DSCAM: variants seen among roughly 807,000 people sequenced by gnomAD.
DSCAM encodes the protein DS cell adhesion molecule.
DSCAM carries 47 observed loss-of-function variants against 217.7 expected under a neutral mutation model. The ratio of observed to expected loss-of-function variants is 0.22; its 90% confidence interval spans 0.17 to 0.28. DSCAM has a LOEUF of 0.28. Among genes scored for constraint, DSCAM ranks in the 10% least tolerant of loss-of-function variants. The pLI is 1.00. For synonymous variants in DSCAM, 1,056 were observed against 1,015.3 expected (o/e 1.04, Z -0.76); for missense variants, 2,080 against 2,618.3 (o/e 0.79, Z 4.49).
intron 3 of DSCAM, among the ~76,000 whole-genome samples, chr21:40,579,618 A>G (rs1373008432): frequency 1.3e-5 from 2 of 152,212 alleles, no homozygotes; most frequent in African/African-American, 4.8e-5. Flanking sequence ...ACTATTACAG[A>G]GCCAGAGAAA....
intron 32 of DSCAM, among the ~76,000 whole-genome samples, chr21:40,023,939 T>C (rs1333233956): frequency 3.2e-5 from 1 of 31,434 alleles, no homozygotes; most frequent in Admixed American, 4.4e-4. Context: ...ATGAAGTCCT[T>C]GCCCATGCCT....
chr21:40,842,957 G>A (rs553750697), intron 1 of DSCAM, among the ~76,000 whole-genome samples: 4 of 152,186 alleles, frequency 2.6e-5, no homozygotes, highest in East Asian at 1.9e-4. Context: ...AAAAGGCCTC[G>A]GAATTTAGGT....
Position 40,032,650 on chromosome 21 carries a change from C to T in DSCAM, c.5686+9721G>A, listed in dbSNP as rs76951770. Among the ~76,000 whole-genome samples the T allele has an allele frequency of 7.7e-3, 1,171 of 151,716 alleles. 18 individuals carry two copies. The highest frequency in any genetic ancestry group is 0.027 in the African/African-American group (1,117 of 41,338). ...ATTAAACTCAAAAAGTGTTAGATCT[C>T]GTCTGTCTCTGGTATGGGTGGACTC... On this transcript the variant is annotated intron_variant, in intron 32 of 32. Coordinates refer to ENST00000400454, the MANE Select transcript of DSCAM (RefSeq NM_001389.5).
intron 3 of DSCAM, among the ~76,000 whole-genome samples, chr21:40,551,923 G>A: frequency 6.6e-6 from 1 of 152,174 alleles, no homozygotes; most frequent in East Asian, 1.9e-4. Context: ...GGCCAAGAGG[G>A]TGTGTCCATT....
chr21:40,332,567 A>T (rs1480959954), intron 8 of DSCAM, among the ~76,000 whole-genome samples: 1 of 152,190 alleles, frequency 6.6e-6, no homozygotes, highest in East Asian at 1.9e-4. Context: ...TAGAACACGC[A>T]ATTAAGCACC....
intron 11 of DSCAM, among the ~76,000 whole-genome samples, chr21:40,261,273 G>C (rs2073445972): frequency 1.3e-5 from 2 of 152,160 alleles, no homozygotes; most frequent in South Asian, 2.1e-4. Flanking sequence ...GTGCTAAGGG[G>C]GTGAGAAATC....
At chr21:40,391,320 T>C (rs1423818953) in intron 3 of DSCAM, among the ~76,000 whole-genome samples, 2 of 152,136 alleles carry the variant, frequency 1.3e-5, no homozygotes, top group Non-Finnish European at 2.9e-5. Flanking sequence ...AACACAAACA[T>C]ATAGAAATCT....
intron 6 of DSCAM, among the ~76,000 whole-genome samples, chr21:40,344,845 T>C (rs1027831108): frequency 1.1e-4 from 17 of 152,202 alleles, no homozygotes; most frequent in African/African-American, 4.1e-4. Flanking sequence ...TATCTCTGAA[T>C]ACTTTTTTCT....
intron 1 of DSCAM, among the ~76,000 whole-genome samples, chr21:40,747,030 AC>A (rs2091181802): frequency 6.6e-6 from 1 of 151,926 alleles, no homozygotes; most frequent in Non-Finnish European, 1.5e-5. Context: ...AAATATGCAC[AC>A]AACATACCAA....
At chr21:40,702,508 T>C (rs1459970331) in intron 2 of DSCAM, among the ~76,000 whole-genome samples, 3 of 152,196 alleles carry the variant, frequency 2.0e-5, no homozygotes, top group Non-Finnish European at 2.9e-5. Flanking sequence ...TTTATCCTTT[T>C]ACTTTTAAGC....
intron 3 of DSCAM, among the ~76,000 whole-genome samples, chr21:40,486,018 C>T (rs1277221034): frequency 6.6e-6 from 1 of 152,134 alleles, no homozygotes; most frequent in Admixed American, 6.5e-5. Flanking sequence ...TACAAAACTA[C>T]GTACTATAAA....
intron 3 of DSCAM, among the ~76,000 whole-genome samples, chr21:40,617,735 TCTGGGGTCAAA>T (rs1450638734): frequency 2.0e-5 from 3 of 152,230 alleles, no homozygotes; most frequent in Admixed American, 2.0e-4. Context: ...CCATATGACT[TCTGGGGTCAAA>T]CTTGTGCTCA....
rs75966435 is a variant in DSCAM, at chr21:40,057,470, G to A, written c.4920-1630C>T. Among the ~76,000 whole-genome samples, 1,417 of 152,192 alleles carry A rather than the reference G, an allele frequency of 9.3e-3. 19 individuals are homozygous for A. The highest frequency in any genetic ancestry group is 0.032 in the African/African-American group (1,326 of 41,504). On this transcript the variant is annotated intron_variant, in intron 28 of 32. Coordinates refer to ENST00000400454, the MANE Select transcript of DSCAM (RefSeq NM_001389.5). ...AAGATCTGTTTAGAAACCTCACTAG[G>A]GACTTGAGCTTGTCCTTGCACCAAA...
chr21:40,076,925 G>A (rs420892), intron 26 of DSCAM, among the ~76,000 whole-genome samples: 83,316 of 152,058 alleles, frequency 0.55, 23,031 homozygotes, highest in South Asian at 0.79. Flanking sequence ...GCTAAGTAAA[G>A]TGTCTGGTAA....
chr21:40,743,874 A>C (rs1341120658), intron 1 of DSCAM, among the ~76,000 whole-genome samples: 1 of 152,190 alleles, frequency 6.6e-6, no homozygotes, highest in Non-Finnish European at 1.5e-5. Context: ...ATTATGAAGG[A>C]GAAACATGAG....
chr21:40,118,905 G>A (rs1246286472), intron 20 of DSCAM, among the ~76,000 whole-genome samples: 2 of 152,142 alleles, frequency 1.3e-5, no homozygotes, highest in Non-Finnish European at 2.9e-5. Flanking sequence ...TGGAGCGTAC[G>A]TCATGGTCCC....
At chr21:40,335,901 G>A (rs147089167) in intron 8 of DSCAM, among the ~76,000 whole-genome samples, 24 of 152,250 alleles carry the variant, frequency 1.6e-4, no homozygotes, top group African/African-American at 4.3e-4. Context: ...ACTGCTGGGC[G>A]TTACCATGAA....
chr21:40,681,960 C>G (rs770160754), intron 3 of DSCAM, among the ~76,000 whole-genome samples: 3 of 152,146 alleles, frequency 2.0e-5, no homozygotes, highest in South Asian at 2.1e-4. Flanking sequence ...AGACCCTCCC[C>G]GCAGCCCTCT....
chr21:40,411,676 A>G (rs2075324618), intron 3 of DSCAM, among the ~76,000 whole-genome samples: 1 of 152,204 alleles, frequency 6.6e-6, no homozygotes, highest in Non-Finnish European at 1.5e-5. Flanking sequence ...AGTGATAAAC[A>G]GAAAGACTGA....
Sources: allele counts gnomAD v4.1 joint callset (sites outside exome capture counted in the v4.1 genomes callset), GRCh38; gene constraint gnomAD v4.1.1; transcripts MANE v1.5; gene names NCBI Gene and HGNC (gene_info 2026-07-23, HGNC 2026-07-21).